HNF4G: variants seen among roughly 807,000 people sequenced by gnomAD.
The protein encoded by HNF4G is hepatocyte nuclear factor 4-gamma.
Under a neutral mutation model 50.9 loss-of-function variants are expected in HNF4G, and 21 were observed. The ratio of observed to expected loss-of-function variants is 0.41; its 90% CI spans 0.29 to 0.59. The LOEUF (loss-of-function observed/expected upper bound fraction) is 0.59, where lower values mean the gene tolerates loss of function less well. Ranked by LOEUF, HNF4G falls within the 20% of genes least tolerant of loss-of-function variation. The pLI is 0.26. For synonymous variants in HNF4G, 198 were observed against 185.6 expected, an observed-to-expected ratio of 1.07 and a Z score of -0.54; for missense variants, 527 against 559.4, an observed-to-expected ratio of 0.94 and a Z score of 0.58.
At chr8:75,516,934 C>T (rs1437621660) in intron 2 of HNF4G, among the ~76,000 whole-genome samples, 3 of 151,874 alleles carry the variant, frequency 2.0e-5, no homozygotes, top group Admixed American at 6.6e-5. Context: ...AAAGACATAC[C>T]CAAGACTGGG....
At chr8:75,460,115 AAAAC>A (rs1811811146) in intron 1 of HNF4G, among the ~76,000 whole-genome samples, 2 of 152,134 alleles carry the variant, frequency 1.3e-5, no homozygotes, top group Non-Finnish European at 2.9e-5. Context: ...CAAAGAGAAA[AAAAC>A]AAACCTAAAA....
chr8:75,445,021 AC>A (rs1185302982), intron 1 of HNF4G, among the ~76,000 whole-genome samples: 3 of 150,994 alleles, frequency 2.0e-5, no homozygotes, highest in Non-Finnish European at 3.0e-5. Context: ...CTGACCACAT[AC>A]TTGGAAGTAA....
intron 1 of HNF4G, among the ~76,000 whole-genome samples, chr8:75,443,668 G>A (rs1811345361): frequency 6.6e-6 from 1 of 152,016 alleles, no homozygotes; most frequent in Non-Finnish European, 1.5e-5. Flanking sequence ...TGTATTTGCT[G>A]GTTTACTTAT....
chr8:75,536,301 T>C (rs1467553427), upstream of HNF4G, among the ~76,000 whole-genome samples: 4 of 152,016 alleles, frequency 2.6e-5, no homozygotes, highest in Admixed American at 2.6e-4. Context: ...TATTGCTATG[T>C]ATAAATGATG....
intron 2 of HNF4G, among the ~76,000 whole-genome samples, chr8:75,528,445 C>G (rs927297370): frequency 6.6e-6 from 1 of 152,152 alleles, no homozygotes; most frequent in African/African-American, 2.4e-5. Context: ...CTAATTCTCT[C>G]ACAGCATTAC....
intron 1 of HNF4G, among the ~76,000 whole-genome samples, chr8:75,421,356 C>T (rs1563499361): frequency 6.6e-6 from 1 of 152,110 alleles, no homozygotes; most frequent in Non-Finnish European, 1.5e-5. Flanking sequence ...CTGCACCATT[C>T]CTTTATCATC....
chr8:75,542,535 GAAAAA>G (rs71567128), intron 1 of HNF4G, among the ~76,000 whole-genome samples: 2 of 80,530 alleles, frequency 2.5e-5, no homozygotes, highest in East Asian at 5.9e-4. Context: ...CAATGACGAC[GAAAAA>G]AAAAAAAAAA....
At chr8:75,448,460 C>T (rs1457530159) in intron 1 of HNF4G, among the ~76,000 whole-genome samples, 1 of 44,952 alleles carries the variant, frequency 2.2e-5, no homozygotes, top group Non-Finnish European at 4.6e-5. Flanking sequence ...AGACATGATA[C>T]AAGATGATTT....
At chr8:75,476,415 TA>T (rs1812242712) in intron 1 of HNF4G, among the ~76,000 whole-genome samples, 1 of 152,184 alleles carries the variant, frequency 6.6e-6, no homozygotes, top group African/African-American at 2.4e-5. Flanking sequence ...GCACCACCAA[TA>T]GGGTATAAGC....
chr8:75,507,261 C>CTTTT (rs34235931), intron 2 of HNF4G, among the ~76,000 whole-genome samples: 3 of 136,856 alleles, frequency 2.2e-5, no homozygotes, highest in South Asian at 2.3e-4. Flanking sequence ...TTTTAAAATT[C>CTTTT]TTTTTTTTTT....
intron 1 of HNF4G, among the ~76,000 whole-genome samples, chr8:75,477,498 C>T (rs1156948676): frequency 6.6e-6 from 1 of 152,022 alleles, no homozygotes; most frequent in East Asian, 1.9e-4. Context: ...AGCAGAAGGG[C>T]AATGGAAATT....
rs565407067 is a variant in HNF4G at position 75,486,061 on chromosome 8, A to T, written c.-143-4028A>T. 1.8e-4 allele frequency among the ~76,000 whole-genome samples: 28 copies of T among 152,354 alleles called. No individual in the cohort carries two copies. The South Asian group carries it at 4.8e-3, about 26-fold the overall frequency. Reference sequence around the variant, plus strand: ...TCAGATGTGAGCCCTGAATGATTATATAGGGCCCAGTTTTATTCAGGCCTT... The same window carrying T: ...TCAGATGTGAGCCCTGAATGATTATTTAGGGCCCAGTTTTATTCAGGCCTT... On this transcript the variant is annotated intron_variant, in intron 1 of 10. Transcript: ENST00000354370.
At chr8:75,412,750 A>G (rs1161601717) in intron 1 of HNF4G, among the ~76,000 whole-genome samples, 3 of 151,936 alleles carry the variant, frequency 2.0e-5, no homozygotes, top group Admixed American at 2.0e-4. Context: ...TATTTCAGAC[A>G]TCATAGTTAC....
At chr8:75,417,518 G>T (rs1810670091) in intron 1 of HNF4G, among the ~76,000 whole-genome samples, 1 of 152,180 alleles carries the variant, frequency 6.6e-6, no homozygotes, top group Admixed American at 6.5e-5. Flanking sequence ...CGTCTCCAGA[G>T]CCCAGTTTCT....
chr8:75,499,456 C>T (rs187209225), intron 2 of HNF4G, among the ~76,000 whole-genome samples: 22 of 152,028 alleles, frequency 1.4e-4, no homozygotes, highest in Non-Finnish European at 2.5e-4. Context: ...CAATACTCCA[C>T]AAATTGATTT....
intron 1 of HNF4G, among the ~76,000 whole-genome samples, chr8:75,418,721 TC>T (rs568087225): frequency 2.2e-5 from 3 of 134,738 alleles, no homozygotes; most frequent in African/African-American, 8.2e-5. Context: ...TCTCTCTCTC[TC>T]TTTTTTTTTT....
chr8:75,477,238 T>TC, intron 1 of HNF4G, among the ~76,000 whole-genome samples: 1 of 152,342 alleles, frequency 6.6e-6, no homozygotes, highest in South Asian at 2.1e-4. Flanking sequence ...ATGTATATGT[T>TC]CCCCATGGTC....
chr8:75,441,173 T>G (rs770728356), intron 1 of HNF4G, among the ~76,000 whole-genome samples: 2 of 152,150 alleles, frequency 1.3e-5, no homozygotes, highest in Non-Finnish European at 2.9e-5. Flanking sequence ...TTTATTATCC[T>G]AAGAATACTT....
chr8:75,521,271 A>G (rs1273825746), intron 2 of HNF4G, among the ~76,000 whole-genome samples: 2 of 152,226 alleles, frequency 1.3e-5, no homozygotes, highest in East Asian at 1.9e-4. Flanking sequence ...ATCGAGCCCA[A>G]GCTAAAATTC....
Sources: allele counts gnomAD v4.1 joint callset (sites outside exome capture counted in the v4.1 genomes callset), GRCh38; gene constraint gnomAD v4.1.1; transcripts MANE v1.5; gene names NCBI Gene and HGNC (gene_info 2026-07-23, HGNC 2026-07-21).